ABCA7: variants seen among roughly 807,000 people sequenced by gnomAD.
ABCA7 encodes phospholipid-transporting ATPase ABCA7.
In ABCA7, 261 loss-of-function variants were observed where a neutral mutation model predicts 227.6. The observed-to-expected ratio is 1.15, with a 90% confidence interval of 1.04 to 1.27. The LOEUF is 1.27. Among genes scored for constraint, ABCA7 ranks in the 50% most tolerant of loss-of-function variants. The probability of loss-of-function intolerance (pLI) is 0.00; values close to 1 mark genes in which losing one functional copy is unlikely to be tolerated. For missense variants in ABCA7, 3,331 were observed against 2,924.5 expected (o/e 1.14, Z -3.21); for synonymous variants, 1,488 against 1,279.7 (o/e 1.16, Z -3.47).
intron 18 of ABCA7, among the ~76,000 whole-genome samples, chr19:1,049,957 C>CAA (rs1555689203): frequency 1.5e-5 from 1 of 66,142 alleles, no homozygotes; most frequent in Non-Finnish European, 3.2e-5. Flanking sequence ...GTGAGTCCCC[C>CAA]ACCACTCCCT....
intron 18 of ABCA7, among the ~76,000 whole-genome samples, chr19:1,050,016 TCCTC>T (rs1343695467): frequency 2.5e-5 from 2 of 80,240 alleles, no homozygotes; most frequent in African/African-American, 1.1e-4. Flanking sequence ...CCCCACCACT[TCCTC>T]CCTGTGAGCT....
chr19:1,056,763 C>T lies in ABCA7; in HGVS notation c.4587-144C>T. 9.9e-7 allele frequency: 1 copy of T among 1,010,832 alleles called. No individual in the cohort carries two copies. Among genetic ancestry groups the T allele is most frequent in the Non-Finnish European group, 1.5e-6 (1 of 672,436 alleles). The allele number at this position is 1,010,832 out of a possible 1,614,324, so 62.6% of individuals were successfully genotyped here. A position where few individuals can be genotyped will look rare whatever the true frequency, so the allele number is the denominator to read the frequency against. On this transcript the variant is annotated intron_variant, in intron 33 of 46. Transcript: ENST00000263094. This position sits in a 1 kb window ranked among gnomAD's most constrained non-coding sequence, Gnocchi z 4.3. ...ACAACCTCTGCTGCCAAATCCCAGG[C>T]ACCCTCATCCCTAAATTGCCCCTGC... is the stretch of plus-strand genomic sequence containing the variant.
chr19:1,044,810 AC>A, intron 11 of ABCA7, 66 bp downstream of exon 11: 3 of 1,527,042 alleles, frequency 2.0e-6, no homozygotes, highest in Non-Finnish European at 2.6e-6. Context: ...TAGTGTTCCC[AC>A]CCTGGTGTTC....
chr19:1,056,863 C>T lies in ABCA7; in HGVS notation c.4587-44C>T. On this transcript the variant is annotated intron_variant, in intron 33 of 46. Transcript: ENST00000263094. This position sits in a 1 kb window ranked among gnomAD's most constrained non-coding sequence, Gnocchi z 4.3. ...GTGTTCAGCTCTGCTCTGAGCAACCCATGCACCCTCACCCTACAACAGCTC... is the reference window on the plus strand; with the variant it reads ...GTGTTCAGCTCTGCTCTGAGCAACCTATGCACCCTCACCCTACAACAGCTC... 2 of 1,589,266 alleles carry T rather than the reference C, an allele frequency of 1.3e-6. No individual in the cohort carries two copies. The highest frequency in any genetic ancestry group is 1.3e-5 in the African/African-American group (1 of 74,696).
intron 30 of ABCA7, 67 bp from the exon 31 acceptor site, chr19:1,055,840 C>G (rs1445917357): frequency 6.8e-7 from 1 of 1,464,274 alleles, no homozygotes; most frequent in African/African-American, 1.4e-5. Flanking sequence ...TCTGTGCTCC[C>G]CTCTCACCAT....
chr19:1,047,102 C>T (rs3752236), intron 14 of ABCA7, 55 bp from the exon 15 acceptor site: 4 of 1,559,232 alleles, frequency 2.6e-6, no homozygotes, highest in Non-Finnish European at 3.5e-6. Flanking sequence ...CACGTGGGTG[C>T]GCGCCCCCAG....
In ABCA7 at chr19:1,053,435, T is replaced by G. The variant is rs2041955038; in HGVS notation, c.3327T>G (p.His1109Gln). Residue 1109 changes from histidine to glutamine, a missense_variant, in exon 24 of 47, where the codon CAT (histidine) becomes CAG (glutamine). By Grantham distance (24) the His-to-Gln change is conservative. Coordinates refer to ENST00000263094, the MANE Select transcript of ABCA7 (RefSeq NM_019112.4). ...LVLVLPYTGA[H>Q]DGSFATLFRE... ...TGGTGCTGCCCTACACGGGTGCCCA[T>G]GACGGCAGCTTCGCCACACTCTTCC... 1.9e-6 allele frequency: 3 copies of G among 1,605,028 alleles called. No homozygotes were observed. The highest frequency in any genetic ancestry group is 2.2e-5 in the South Asian group (2 of 89,974).
At position 1,057,338 on chromosome 19, in the gene ABCA7, A is replaced by G; in HGVS notation, c.4789A>G (p.Ile1597Val). 3 of 1,613,952 alleles carry G rather than the reference A, an allele frequency of 1.9e-6. No individual in the cohort carries two copies. Among genetic ancestry groups the G allele is most frequent in the Non-Finnish European group, 2.5e-6 (3 of 1,180,026 alleles). ...DMCNYLVPAC[I>V]VVLIFLAFQQ... Reference sequence around the variant, plus strand: ...GTGTAACTACTTGGTGCCAGCATGCATCGTGGTGCTCATCTTTCTGGCCTT... The same window carrying G: ...GTGTAACTACTTGGTGCCAGCATGCGTCGTGGTGCTCATCTTTCTGGCCTT... Residue 1597 changes from isoleucine (I) to valine (V), a missense_variant, in exon 35 of 47, where the codon ATC (isoleucine) becomes GTC (valine). By Grantham distance (29) the Ile-to-Val change is conservative (BLOSUM62 3). Transcript: ENST00000263094.
rs1256384115 is a variant in ABCA7, at chr19:1,041,299, C to G, written c.-63C>G. The G allele has an allele frequency of 2.3e-5, 35 of 1,549,818 alleles. No individual in the cohort carries two copies. The highest frequency in any genetic ancestry group is 2.9e-5 in the Non-Finnish European group (33 of 1,123,440). On this transcript the variant is annotated 5_prime_UTR_variant, in exon 2 of 47. Transcript: ENST00000263094. ...GGGCAGGGAGTTGCCCGCAGCCGCA[C>G]CGCACGTCTTCAGCCCGACCGTTGT...
rs1383094723 is a variant in ABCA7 at position 1,061,774 on chromosome 19, C to T, written c.5464-8C>T. The stretch of plus-strand genomic sequence containing the variant: ...CTCACTGAGCACCATCTGTGGGCAT[C>T]CCTGTAGTGTTTTGGGCTGCTGGGT... On this transcript the variant is annotated splice_polypyrimidine_tract_variant and splice_region_variant and intron_variant, in intron 40 of 46. Transcript: ENST00000263094. 6.2e-6 allele frequency: 10 copies of T among 1,612,180 alleles called. No homozygotes were observed. The highest frequency in any genetic ancestry group is 8.5e-6 in the Non-Finnish European group (10 of 1,179,146).
At chr19:1,048,173 G>C (rs2040906684) in intron 16 of ABCA7, among the ~76,000 whole-genome samples, 1 of 133,458 alleles carries the variant, frequency 7.5e-6, no homozygotes, top group Non-Finnish European at 1.6e-5. Flanking sequence ...GGGCAACAGA[G>C]TGAGACCTCC....
In ABCA7 at chr19:1,054,860, T is replaced by TGCATA. The variant is rs2042108147; in HGVS notation, c.3935_3936insTAGCA (p.Gln1312HisfsTer63). ...GAGGCAGGACTGGAGGAGCCCCCAG[T>TGCATA]GCAGCATAGCTCCCACAGGTGAGGC... On this transcript the variant is annotated frameshift_variant, in exon 29 of 47. Coordinates refer to ENST00000263094, the MANE Select transcript of ABCA7 (RefSeq NM_019112.4). LOFTEE classifies it high-confidence loss of function. This position sits in a 1 kb window ranked among gnomAD's most constrained non-coding sequence, Gnocchi z 4.8. The TGCATA allele has an allele frequency of 6.4e-7, 1 of 1,561,112 alleles. No homozygotes were observed. The highest frequency in any genetic ancestry group is 1.4e-5 in the African/African-American group (1 of 73,276).
chr19:1,060,207 A>ATATATATATATTT, intron 40 of ABCA7, among the ~76,000 whole-genome samples: 11 of 96,766 alleles, frequency 1.1e-4, no homozygotes, highest in African/African-American at 3.8e-4. Flanking sequence ...ATATATATAT[A>ATATATATATATTT]TTTTTTTTTC....
In ABCA7 at chr19:1,047,015, G is replaced by A; in HGVS notation, c.1836G>A (p.Leu612=). Residue 612 remains leucine (L), a synonymous_variant, in exon 14 of 47, where the codon CTG becomes CTA. Coordinates refer to ENST00000263094, the MANE Select transcript of ABCA7 (RefSeq NM_019112.4). ...TGCTCAGCGCCGCACTGCTGGTTCT[G>A]GTGCTCAAGGTGGGCGCGCCTCGGC... ...PFLLSAALLV[L]VLKLGDILPY... is the part of the protein sequence containing the mutation. 1 of 1,566,566 alleles carries A rather than the reference G, an allele frequency of 6.4e-7. No homozygotes were observed. Among genetic ancestry groups the A allele is most frequent in the Non-Finnish European group, 8.6e-7 (1 of 1,158,624 alleles).
chr19:1,043,378 C>T lies in ABCA7; in HGVS notation c.835C>T (p.Leu279=), dbSNP rs762757194. Residue 279 remains leucine (L), a synonymous_variant, in exon 9 of 47, where the codon CTG becomes TTG. Coordinates refer to ENST00000263094, the MANE Select transcript of ABCA7 (RefSeq NM_019112.4). ...ELIGALDSHP[L]SRLLWRRLKP... ...GATTGGAGCCCTGGACAGCCACCCG[C>T]TGTCCCGCCTGCTCTGGAGACGCCT... is the stretch of plus-strand genomic sequence containing the variant. 2.9e-5 allele frequency: 46 copies of T among 1,613,034 alleles called. No homozygotes were observed. The highest frequency in any genetic ancestry group is 3.5e-5 in the Non-Finnish European group (41 of 1,180,010).
rs1320512387 is a variant in ABCA7 at position 1,065,368 on chromosome 19, C to T, written c.6384C>T (p.His2128=). Residue 2128 remains histidine (H), a synonymous_variant, in exon 47 of 47, where the codon CAC becomes CAT. Coordinates refer to ENST00000263094, the MANE Select transcript of ABCA7 (RefSeq NM_019112.4). The part of the protein sequence containing the change: ...VGVDPAPGLQ[H]PKRVSQFLDD... ...TGGACCCCGCGCCAGGCCTGCAGCA[C>T]CCCAAACGCGTCAGCCAGTTCCTCG... The T allele has an allele frequency of 1.2e-6, 2 of 1,613,614 alleles. No homozygotes were observed. Among genetic ancestry groups the T allele is most frequent in the East Asian group, 2.2e-5 (1 of 44,872 alleles).
rs1174997161 is a variant in ABCA7, at chr19:1,056,266, G to A, written c.4416+23G>A. 2 of 1,590,510 alleles carry A rather than the reference G, an allele frequency of 1.3e-6. No homozygotes were observed. Among genetic ancestry groups the A allele is most frequent in the Non-Finnish European group, 1.7e-6 (2 of 1,166,464 alleles). ...AAGGTGGGAACTGGGGGGGCAGGTGGGCGTCCTGTCACAGCAAGGTCCAAC... is the reference window on the plus strand; with the variant it reads ...AAGGTGGGAACTGGGGGGGCAGGTGAGCGTCCTGTCACAGCAAGGTCCAAC... On this transcript the variant is annotated intron_variant, in intron 32 of 46. Transcript: ENST00000263094. The surrounding 1 kb of genome is among the most constrained non-coding windows in gnomAD (Gnocchi z 4.3).
intron 35 of ABCA7, 33 bp from the exon 36 acceptor site, chr19:1,057,882 T>C (rs2042390953): frequency 6.2e-7 from 1 of 1,612,218 alleles, no homozygotes; most frequent in Non-Finnish European, 8.5e-7. Flanking sequence ...TCAGTCTGAG[T>C]GGTTACTCCA....
intron 30 of ABCA7, 41 bp downstream of exon 30, chr19:1,055,392 T>C: frequency 6.6e-7 from 1 of 1,505,098 alleles, no homozygotes; most frequent in Non-Finnish European, 8.9e-7. Flanking sequence ...GGCTATAGCA[T>C]GGGTCCTTGG....
Sources: gnomAD v4.1 joint callset for allele counts (sites outside exome capture counted in the v4.1 genomes callset) on GRCh38, gnomAD v4.1.1 for gene constraint, Gnocchi (gnomAD v3.1) non-coding constraint, MANE v1.5 for transcripts, NCBI Gene and HGNC (gene_info 2026-07-23, HGNC 2026-07-21) for gene names.